The following ZFYVE26 variants were observed in gnomAD, a reference collection of about 807,000 sequenced individuals.
The protein encoded by ZFYVE26 is zinc finger FYVE domain-containing protein 26.
A neutral mutation model predicts 276.5 loss-of-function variants in ZFYVE26; 181 were observed. The observed-to-expected ratio is 0.65, with a 90% CI of 0.58 to 0.74. The LOEUF is 0.74. ZFYVE26 is among the 30% of genes least tolerant of loss of function. ZFYVE26 has a pLI of 0.00. For missense variants in ZFYVE26, 2,821 were observed against 3,097.9 expected (o/e 0.91, Z 2.12); for synonymous variants, 1,129 against 1,203.1 (o/e 0.94, Z 1.27).
At chr14:67,729,428 G>T in exon 14 of ZFYVE26, 5 of 1,560,522 alleles carry the variant, frequency 3.2e-6, no homozygotes, top group Non-Finnish European at 4.4e-6. Flanking sequence ...TGCATGGGAG[G>T]TGCCGGACTC....
intron 15 of ZFYVE26, 29 bp from the exon 16 acceptor site, chr14:67,789,627 A>G: frequency 6.2e-7 from 1 of 1,613,712 alleles, no homozygotes; most frequent in Non-Finnish European, 8.5e-7. Flanking sequence ...AATAAAAAGC[A>G]AAGGGTTAAA....
At chr14:67,753,385 TGGC>T (rs1417128246) in intron 39 of ZFYVE26, among the ~76,000 whole-genome samples, 17 of 152,192 alleles carry the variant, frequency 1.1e-4, no homozygotes, top group African/African-American at 3.9e-4. Flanking sequence ...GGAAAGCCCC[TGGC>T]CACCCCTCCA....
In ZFYVE26 at chr14:67,814,064, T is replaced by C; in HGVS notation, c.195A>G (p.Arg65=). The change falls in exon 3 of 42, where the codon AGA becomes AGG. Residue 65 remains arginine, a splice_region_variant and synonymous_variant. Coordinates refer to ENST00000347230, the MANE Select transcript of ZFYVE26 (RefSeq NM_015346.4). ...TTTGAGGGTTGATGTCCTGCCCACA[T>C]CTGAAAAAGGTAAAAAGAAAGACTT... ...QALVVCPNLL[R]CGQDINPQRV... The C allele has an allele frequency of 6.2e-7, 1 of 1,612,474 alleles. No homozygotes were observed. Among genetic ancestry groups the C allele is most frequent in the Non-Finnish European group, 8.5e-7 (1 of 1,178,642 alleles).
At chr14:67,731,822 G>GT (rs1298536169) in intron 13 of ZFYVE26, among the ~76,000 whole-genome samples, 2 of 151,764 alleles carry the variant, frequency 1.3e-5, no homozygotes, top group Non-Finnish European at 2.9e-5. Flanking sequence ...TATTCTAGGT[G>GT]TTTTTTTATT....
At position 67,769,777 on chromosome 14, in the gene ZFYVE26, G is replaced by T. The variant is rs1436321710; in HGVS notation, c.5485-47C>A. 16 of 1,612,134 alleles carry T rather than the reference G, an allele frequency of 9.9e-6. No homozygotes were observed. The South Asian group carries it at 1.2e-4, about 12-fold the overall frequency. ...AGAAGAAAGAGGGAGGAGAGAAGGG[G>T]AGATTGCCATCAATCCATTTATACA... On this transcript the variant is annotated intron_variant, in intron 28 of 41. Transcript: ENST00000347230.
At chr14:67,804,021 T>C in intron 9 of ZFYVE26, 80 bp downstream of exon 9, 1 of 1,580,600 alleles carries the variant, frequency 6.3e-7, no homozygotes, top group Non-Finnish European at 8.7e-7. Context: ...CAATCACATC[T>C]GGATAAATCT....
chr14:67,764,822 T>C (rs1004292744), intron 32 of ZFYVE26, among the ~76,000 whole-genome samples: 1 of 152,208 alleles, frequency 6.6e-6, no homozygotes, highest in African/African-American at 2.4e-5. Flanking sequence ...AGGACTTCCT[T>C]ACTTTCTGCT....
Position 67,807,495 on chromosome 14 carries a change from C to T in ZFYVE26, c.789G>A (p.Leu263=), listed in dbSNP as rs1375922528. ...PLREERLLSC[L]LHKASRGLLS... is the part of the protein sequence containing the mutation. ...GCAGGCCCCGGCTGGCCTTGTGCAGCAGGCAGCTGAGCAGCCGCTCCTCCC... is the reference window on the plus strand; with the variant it reads ...GCAGGCCCCGGCTGGCCTTGTGCAGTAGGCAGCTGAGCAGCCGCTCCTCCC... The change falls in exon 5 of 42, where the codon CTG becomes CTA. Residue 263 remains leucine (L), a synonymous_variant. Transcript: ENST00000347230. 9 of 1,614,026 alleles carry T rather than the reference C, an allele frequency of 5.6e-6. No homozygotes were observed. Among genetic ancestry groups the T allele is most frequent in the Middle Eastern group, 1.6e-4 (1 of 6,084 alleles).
chr14:67,731,479 T>C (rs1198294536), intron 13 of ZFYVE26, among the ~76,000 whole-genome samples: 1 of 152,048 alleles, frequency 6.6e-6, no homozygotes, highest in East Asian at 1.9e-4. Context: ...CCTCCCAAAG[T>C]GCTGGGATTG....
intron 39 of ZFYVE26, among the ~76,000 whole-genome samples, chr14:67,753,375 G>A (rs797017547): frequency 3.3e-5 from 5 of 152,270 alleles, no homozygotes; most frequent in African/African-American, 1.2e-4. Flanking sequence ...TGTGGCCAGT[G>A]GAAAGCCCCT....
rs773912596 is a variant in ZFYVE26, at chr14:67,798,634, T to C, written c.1640-12A>G. ...GAGATTTGCAGCACCTACAAAAACA[T>C]GTACAAGAGAAGAGGCCAGAGAAAG... On this transcript the variant is annotated splice_polypyrimidine_tract_variant and intron_variant, in intron 10 of 41. Coordinates refer to ENST00000347230, the MANE Select transcript of ZFYVE26 (RefSeq NM_015346.4). 5.0e-6 allele frequency: 8 copies of C among 1,613,556 alleles called. No homozygotes were observed. Among genetic ancestry groups the C allele is most frequent in the Non-Finnish European group, 6.8e-6 (8 of 1,179,998 alleles).
intron 8 of ZFYVE26, among the ~76,000 whole-genome samples, chr14:67,804,998 T>A (rs1198538430): frequency 1.3e-5 from 2 of 152,248 alleles, no homozygotes; most frequent in African/African-American, 2.4e-5. Flanking sequence ...GTTACTGTCA[T>A]CCTAAAATTA....
In ZFYVE26 at chr14:67,756,180, G is replaced by A. The variant is rs772376328; in HGVS notation, c.6589-35C>T. 7 of 1,610,372 alleles carry A rather than the reference G, an allele frequency of 4.3e-6. No individual in the cohort carries two copies. In the Admixed American group the frequency reaches 5.0e-5, roughly 11 times the overall value. On this transcript the variant is annotated intron_variant, in intron 35 of 41. Transcript: ENST00000347230. ...GGCAGGGCGAGAAGTCAGAAGTCTTGAGCCTGGTTCTGGCACTGTCTGGGA... is the reference window on the plus strand; with the variant it reads ...GGCAGGGCGAGAAGTCAGAAGTCTTAAGCCTGGTTCTGGCACTGTCTGGGA...
intron 9 of ZFYVE26, among the ~76,000 whole-genome samples, chr14:67,802,892 G>C (rs1451959997): frequency 6.6e-6 from 1 of 152,156 alleles, no homozygotes; most frequent in East Asian, 1.9e-4. Context: ...ATGTAAGAAA[G>C]TTTGTGTCTC....
At position 67,762,024 on chromosome 14, in the gene ZFYVE26, T is replaced by A. The variant is rs1176108632; in HGVS notation, c.6369+179A>T. On this transcript the variant is annotated intron_variant, in intron 34 of 41. Transcript: ENST00000347230. The stretch of plus-strand genomic sequence containing the variant: ...TAAAAAAAATTACATCTATTACTTA[T>A]CTAACCATATATGGTTACTTATCTA... 3 of 640,160 alleles carry A rather than the reference T, an allele frequency of 4.7e-6. No individual in the cohort carries two copies. In the East Asian group the frequency reaches 8.2e-5, roughly 17 times the overall value. The allele number at this position is 640,160 out of a possible 1,614,324, so 39.7% of individuals were successfully genotyped here. A position where few individuals can be genotyped will look rare whatever the true frequency, so the allele number is the denominator to read the frequency against.
rs187016038 is a variant in ZFYVE26, at chr14:67,751,418, A to G, written c.7372-322T>C. 34 of 445,442 alleles carry G rather than the reference A, an allele frequency of 7.6e-5. No individual in the cohort carries two copies. The Admixed American group carries it at 9.3e-4, about 12-fold the overall frequency. 27.6% of individuals were successfully genotyped at this position (445,442 alleles called of 1,614,324 possible). A position where few individuals can be genotyped will look rare whatever the true frequency, so the allele number is the denominator to read the frequency against. On this transcript the variant is annotated intron_variant, in intron 40 of 41. Coordinates refer to ENST00000347230, the MANE Select transcript of ZFYVE26 (RefSeq NM_015346.4). ...AATGGATCATGAACTTAGTGCAAGC[A>G]CTAAGTTCTCACACTAAGTATGTAT...
intron 38 of ZFYVE26, 36 bp from the exon 39 acceptor site, chr14:67,753,802 C>T (rs1594883814): frequency 6.2e-7 from 1 of 1,605,610 alleles, no homozygotes; most frequent in East Asian, 2.2e-5. Flanking sequence ...AAAAACATGG[C>T]AATTACTAGA....
Position 67,798,199 on chromosome 14 carries a change from A to G in ZFYVE26, c.2063T>C (p.Phe688Ser), listed in dbSNP as rs1247467779. Residue 688 changes from phenylalanine to serine, a missense_variant, in exon 11 of 42, where the codon TTC (phenylalanine) becomes TCC (serine). Transcript: ENST00000347230. ...FLADEFAIGA[F>S]LRLLQEQLDE... Reference sequence around the variant, plus strand: ...CAGTTGCTCTTGGAGAAGCCTGAGGAAGGCCCCTATTGCAAATTCATCAGC... The same window carrying G: ...CAGTTGCTCTTGGAGAAGCCTGAGGGAGGCCCCTATTGCAAATTCATCAGC... 6.2e-7 allele frequency: 1 copy of G among 1,614,042 alleles called. No individual in the cohort carries two copies. The highest frequency in any genetic ancestry group is 8.5e-7 in the Non-Finnish European group (1 of 1,180,022).
exon 14 of ZFYVE26, chr14:67,729,585 A>T: frequency 3.1e-6 from 2 of 646,450 alleles, no homozygotes; most frequent in South Asian, 3.6e-5. Flanking sequence ...TTCTGGCTTT[A>T]TTTTATACTC....
Sources: allele counts gnomAD v4.1 joint callset (sites outside exome capture counted in the v4.1 genomes callset), GRCh38; gene constraint gnomAD v4.1.1; transcripts MANE v1.5; gene names NCBI Gene and HGNC (gene_info 2026-07-23, HGNC 2026-07-21).